The following ILKAP variants were observed in gnomAD, a reference collection of about 807,000 sequenced individuals.
ILKAP encodes the protein ILK associated serine/threonine phosphatase, also known as integrin-linked kinase-associated serine/threonine phosphatase 2C.
A neutral mutation model predicts 49.1 loss-of-function variants in ILKAP; 11 were observed. The observed-to-expected ratio is 0.22, with a 90% CI of 0.14 to 0.37. The LOEUF (loss-of-function observed/expected upper bound fraction) is 0.37. Ranked by LOEUF, ILKAP falls within the 10% of genes least tolerant of loss-of-function variation. The pLI is 1.00. For synonymous variants in ILKAP, 186 were observed against 192.8 expected (o/e 0.96, Z 0.29); for missense variants, 363 against 510.8 (o/e 0.71, Z 2.79).
At chr2:238,196,271 A>G (rs1694344842) in intron 1 of ILKAP, among the ~76,000 whole-genome samples, 1 of 151,992 alleles carries the variant, frequency 6.6e-6, no homozygotes, top group Non-Finnish European at 1.5e-5. Context: ...TTGTATTTTT[A>G]GTAGAGACAT....
intron 1 of ILKAP, among the ~76,000 whole-genome samples, chr2:238,200,748 C>A (rs79707752): frequency 0.14 from 20,990 of 152,256 alleles, 1,733 homozygotes; most frequent in Middle Eastern, 0.22. Flanking sequence ...CCTGTGCCCA[C>A]GGAGGTCGAG....
At chr2:238,202,159 A>T (rs1694597346) in intron 1 of ILKAP, among the ~76,000 whole-genome samples, 1 of 152,246 alleles carries the variant, frequency 6.6e-6, no homozygotes, top group South Asian at 2.1e-4. Flanking sequence ...CGGAGGTTGC[A>T]GTGAGCTCAG....
chr2:238,175,227 T>C (rs139788130), intron 9 of ILKAP, among the ~76,000 whole-genome samples: 1 of 151,148 alleles, frequency 6.6e-6, no homozygotes, highest in Non-Finnish European at 1.5e-5. Flanking sequence ...GCCTCCTGAG[T>C]AGCTAGAACT....
intron 4 of ILKAP, chr2:238,188,574 AG>A: frequency 4.7e-6 from 1 of 211,254 alleles, no homozygotes; most frequent in African/African-American, 2.3e-5. Flanking sequence ...CAGAGAAGTG[AG>A]ATTCAAATCA....
chr2:238,188,425 A>G (rs1052425506), intron 4 of ILKAP, 168 bp from the exon 5 acceptor site: 17 of 754,828 alleles, frequency 2.3e-5, no homozygotes, highest in Middle Eastern at 2.8e-4. Context: ...CTGCAAGTCT[A>G]TAACTCAAAT....
At chr2:238,188,325 A>G in intron 4 of ILKAP, 68 bp from the exon 5 acceptor site, 1 of 1,551,594 alleles carries the variant, frequency 6.4e-7, no homozygotes, top group Non-Finnish European at 8.7e-7. Flanking sequence ...CTAGTCCCAG[A>G]GCAAATGAGA....
At chr2:238,189,047 G>A (rs540099622) in intron 4 of ILKAP, among the ~76,000 whole-genome samples, 3 of 151,746 alleles carry the variant, frequency 2.0e-5, no homozygotes, top group African/African-American at 4.8e-5. Flanking sequence ...GGCCAGGCAC[G>A]GTTGCTCACG....
At chr2:238,185,988 T>G (rs1693893728) in intron 5 of ILKAP, 1 of 152,226 alleles carries the variant, frequency 6.6e-6, no homozygotes, top group East Asian at 1.9e-4. Context: ...GATTTTTCAC[T>G]GACAACAAAA....
intron 3 of ILKAP, among the ~76,000 whole-genome samples, chr2:238,193,513 G>A (rs769508218): frequency 5.3e-5 from 8 of 152,174 alleles, no homozygotes; most frequent in African/African-American, 9.7e-5. Flanking sequence ...GAGCCACCAC[G>A]CCCAGCCAGA....
intron 1 of ILKAP, among the ~76,000 whole-genome samples, chr2:238,197,072 T>C (rs767875665): frequency 6.6e-6 from 1 of 152,196 alleles, no homozygotes; most frequent in Non-Finnish European, 1.5e-5. Context: ...GGCGGGTGCC[T>C]GTAGCCCCAG....
intron 9 of ILKAP, among the ~76,000 whole-genome samples, chr2:238,175,638 G>C (rs1041814562): frequency 6.6e-6 from 1 of 152,194 alleles, no homozygotes; most frequent in Non-Finnish European, 1.5e-5. Flanking sequence ...CATCACACAA[G>C]GGTAAATCCA....
chr2:238,192,109 G>A (rs1336010542), intron 3 of ILKAP, among the ~76,000 whole-genome samples: 1 of 150,830 alleles, frequency 6.6e-6, no homozygotes. Flanking sequence ...CTACTCGGGA[G>A]GCTTAGACAG....
At chr2:238,181,893 CAT>C (rs1050485355) in intron 9 of ILKAP, among the ~76,000 whole-genome samples, 170 bp downstream of exon 9, 6 of 152,202 alleles carry the variant, frequency 3.9e-5, no homozygotes, top group East Asian at 1.9e-4. Flanking sequence ...CACGTGGACA[CAT>C]GTGAAATCTA....
chr2:238,171,344 A>G (rs1054638829), intron 10 of ILKAP, among the ~76,000 whole-genome samples: 3 of 151,968 alleles, frequency 2.0e-5, no homozygotes, highest in African/African-American at 7.3e-5. Context: ...TATTTTTAGT[A>G]GAGACAGGGT....
intron 1 of ILKAP, among the ~76,000 whole-genome samples, chr2:238,200,845 C>T (rs1455377830): frequency 3.9e-5 from 6 of 152,194 alleles, no homozygotes; most frequent in African/African-American, 1.4e-4. Flanking sequence ...TGGCTAACAT[C>T]TATAAAACAC....
chr2:238,194,819 C>A lies in ILKAP; in HGVS notation c.107G>T (p.Ser36Ile). 1 of 1,614,142 alleles carries A rather than the reference C, an allele frequency of 6.2e-7. No homozygotes were observed. The highest frequency in any genetic ancestry group is 8.5e-7 in the Non-Finnish European group (1 of 1,179,980). ...PLLFDDLPPASSTDSGSGGPL... is the reference protein window; with the variant it reads ...PLLFDDLPPAISTDSGSGGPL... Reference sequence around the variant, plus strand: ...GAAGACTGTACCTGAGTCAGTACTGCTGGCCGGAGGGAGGTCATCAAAGAG... The same window carrying A: ...GAAGACTGTACCTGAGTCAGTACTGATGGCCGGAGGGAGGTCATCAAAGAG... The change falls in exon 2 of 12, where the codon AGC becomes ATC. Residue 36 changes from serine to isoleucine, a missense_variant. Ser to Ile is a moderately radical substitution (Grantham distance 142). Coordinates refer to ENST00000254654, the MANE Select transcript of ILKAP (RefSeq NM_030768.3).
At chr2:238,171,309 G>A (rs183608668) in intron 10 of ILKAP, among the ~76,000 whole-genome samples, 181 of 151,914 alleles carry the variant, frequency 1.2e-3, no homozygotes, top group African/African-American at 4.0e-3. Context: ...ACAGGTGCCC[G>A]GCACCACGCC....
chr2:238,175,612 C>T (rs1361097195), intron 9 of ILKAP, among the ~76,000 whole-genome samples: 1 of 152,170 alleles, frequency 6.6e-6, no homozygotes, highest in Non-Finnish European at 1.5e-5. Context: ...CACAGAGTCC[C>T]ATCTCTGAGA....
chr2:238,193,217 A>G (rs1694213065), intron 3 of ILKAP, among the ~76,000 whole-genome samples: 1 of 152,018 alleles, frequency 6.6e-6, no homozygotes. Flanking sequence ...TTCTTTGAAC[A>G]TATTAACTTT....
Sources: allele counts gnomAD v4.1 joint callset (sites outside exome capture counted in the v4.1 genomes callset), GRCh38; gene constraint gnomAD v4.1.1; transcripts MANE v1.5; gene names NCBI Gene and HGNC (gene_info 2026-07-23, HGNC 2026-07-21).